Variants in KCNK5 observed in about 807,000 individuals in gnomAD.
KCNK5 encodes potassium channel subfamily K member 5.
In KCNK5, 18 loss-of-function variants were observed where a neutral mutation model predicts 32.9. The observed-to-expected ratio is 0.55, with a 90% CI of 0.38 to 0.81. The LOEUF is 0.81. KCNK5 is among the 30% of genes least tolerant of loss of function. KCNK5 has a pLI of 0.00. For missense variants in KCNK5, 507 were observed against 651.0 expected (o/e 0.78, Z 2.41); for synonymous variants, 276 against 275.3 (o/e 1.00, Z -0.03).
At chr6:39,228,486 C>A (rs906147528) in intron 1 of KCNK5, among the ~76,000 whole-genome samples, 2 of 152,168 alleles carry the variant, frequency 1.3e-5, no homozygotes, top group Non-Finnish European at 2.9e-5. Flanking sequence ...TTAAGAAAAG[C>A]CTGGCAGGCG....
intron 1 of KCNK5, among the ~76,000 whole-genome samples, chr6:39,227,820 AG>A (rs1771702234): frequency 6.6e-6 from 1 of 152,128 alleles, no homozygotes; most frequent in Non-Finnish European, 1.5e-5. Flanking sequence ...ATAGGCATAA[AG>A]TATTGAGGTG....
intron 1 of KCNK5, among the ~76,000 whole-genome samples, chr6:39,222,818 G>T (rs766197145): frequency 6.6e-6 from 1 of 152,216 alleles, no homozygotes; most frequent in Non-Finnish European, 1.5e-5. Flanking sequence ...CCACTTAGGA[G>T]ACATCTAAAG....
intron 1 of KCNK5, among the ~76,000 whole-genome samples, chr6:39,211,610 A>G (rs1771339877): frequency 6.6e-6 from 1 of 152,230 alleles, no homozygotes; most frequent in Non-Finnish European, 1.5e-5. Context: ...GCTACGGAGC[A>G]CTAGAAATGT....
intron 1 of KCNK5, among the ~76,000 whole-genome samples, chr6:39,222,142 A>G (rs911247917): frequency 1.3e-5 from 2 of 152,172 alleles, no homozygotes; most frequent in African/African-American, 4.8e-5. Context: ...CCACTTCTAC[A>G]TAAAGGGATA....
At chr6:39,226,197 C>T (rs75521715) in intron 1 of KCNK5, among the ~76,000 whole-genome samples, 109 of 152,304 alleles carry the variant, frequency 7.2e-4, no homozygotes, top group African/African-American at 2.5e-3. Context: ...ATGTTAACTT[C>T]CCTTGTGTGA....
chr6:39,216,103 C>T (rs903182143), intron 1 of KCNK5, among the ~76,000 whole-genome samples: 3 of 152,032 alleles, frequency 2.0e-5, no homozygotes, highest in East Asian at 1.9e-4. Context: ...GCTAACATGG[C>T]GAAACCCTGT....
At chr6:39,203,949 G>T (rs942715791) in intron 1 of KCNK5, among the ~76,000 whole-genome samples, 2 of 152,214 alleles carry the variant, frequency 1.3e-5, no homozygotes, top group Non-Finnish European at 2.9e-5. Flanking sequence ...AGGTGACCAG[G>T]GTGTGGCTCG....
In KCNK5 at chr6:39,217,118, C is replaced by CAAAA. The variant is rs57204833; in HGVS notation, c.186+11804_186+11807dup. Among the ~76,000 whole-genome samples the CAAAA allele has an allele frequency of 8.6e-4, 64 of 74,396 alleles. 1 individual carries two copies. Among genetic ancestry groups the CAAAA allele is most frequent in the African/African-American group, 2.6e-3 (56 of 21,910 alleles). The allele number at this position is 74,396 out of a possible 152,430, so 48.8% of individuals were successfully genotyped here. On this transcript the variant is annotated intron_variant, in intron 1 of 4. Coordinates refer to ENST00000359534, the MANE Select transcript of KCNK5 (RefSeq NM_003740.4). ...CTGGGCAACAAGAGCAAAACTCCAT[C>CAAAA]AAAAAAAAAAAAAAAAAAAAAAAAA...
At chr6:39,218,371 T>TTTAAAA (rs1771479128) in intron 1 of KCNK5, among the ~76,000 whole-genome samples, 1 of 152,094 alleles carries the variant, frequency 6.6e-6, no homozygotes, top group Non-Finnish European at 1.5e-5. Flanking sequence ...GCCCAGCCTA[T>TTTAAAA]GGGCCATTTT....
intron 1 of KCNK5, among the ~76,000 whole-genome samples, chr6:39,221,930 C>T (rs1479120842): frequency 6.6e-6 from 1 of 152,196 alleles, no homozygotes; most frequent in Non-Finnish European, 1.5e-5. Context: ...TCCTCAGCTG[C>T]ACTGATCTCC....
At position 39,229,101 on chromosome 6, in the gene KCNK5, C is replaced by G; in HGVS notation, c.11G>C (p.Arg4Pro). MVD[R>P]GPLLTSAIIF... ...GATGGCCGAGGTGAGCAGAGGGCCC[C>G]GGTCCACCATGGCTCCCGAGCGGCC... Residue 4 changes from arginine (R) to proline (P), a missense_variant, in exon 1 of 5, where the codon CGG (arginine) becomes CCG (proline). This residue lies in a region of KCNK5 where 143 missense variants were observed against 219.1 expected (regional missense o/e 0.65). Coordinates refer to ENST00000359534, the MANE Select transcript of KCNK5 (RefSeq NM_003740.4). 5 of 1,614,062 alleles carry G rather than the reference C, an allele frequency of 3.1e-6. No homozygotes were observed. Among genetic ancestry groups the G allele is most frequent in the Non-Finnish European group, 4.2e-6 (5 of 1,180,008 alleles).
chr6:39,190,922 A>G lies in KCNK5; in HGVS notation c.1468T>C (p.Tyr490His). The change falls in exon 5 of 5, where the codon TAC becomes CAC. Residue 490 changes from tyrosine to histidine, a missense_variant. Tyr to His is a moderately conservative substitution (Grantham distance 83). This residue lies in a region of KCNK5 where 252 missense variants were observed against 250.8 expected (regional missense o/e 1.00). Coordinates refer to ENST00000359534, the MANE Select transcript of KCNK5 (RefSeq NM_003740.4). ...CCCTTGGGGCTGTTAGCCTTGTTGT[A>G]CTCATTCATCAGCTGTTCGTAAGGC... is the stretch of plus-strand genomic sequence containing the variant. ...SVPYEQLMNE[Y>H]NKANSPKGT 1 of 1,483,162 alleles carries G rather than the reference A, an allele frequency of 6.7e-7. No individual in the cohort carries two copies. The highest frequency in any genetic ancestry group is 1.4e-5 in the African/African-American group (1 of 70,812). 91.9% of individuals were successfully genotyped at this position (1,483,162 alleles called of 1,614,324 possible).
chr6:39,216,926 C>T (rs1177774625), intron 1 of KCNK5, among the ~76,000 whole-genome samples: 1 of 151,634 alleles, frequency 6.6e-6, no homozygotes, highest in African/African-American at 2.4e-5. Context: ...GTTCGAGAAC[C>T]GCCTGACCAA....
At position 39,229,454 on chromosome 6, in the gene KCNK5, C is replaced by A; in HGVS notation, c.-343G>T. ...GGCCGCTTCTCCACGCGTCGCTCCT[C>A]CGCGCGCCACTAGCAGTATGCGCCG... On this transcript the variant is annotated 5_prime_UTR_variant, in exon 1 of 5. Coordinates refer to ENST00000359534, the MANE Select transcript of KCNK5 (RefSeq NM_003740.4). 3.8e-6 allele frequency: 1 copy of A among 264,170 alleles called. No individual in the cohort carries two copies. The allele number at this position is 264,170 out of a possible 1,614,324, so 16.4% of individuals were successfully genotyped here.
At chr6:39,207,351 C>G (rs935694028) in intron 1 of KCNK5, among the ~76,000 whole-genome samples, 2 of 152,194 alleles carry the variant, frequency 1.3e-5, no homozygotes, top group Non-Finnish European at 2.9e-5. Context: ...CCCTTAATCA[C>G]AGAACAGAAC....
At position 39,215,742 on chromosome 6, in the gene KCNK5, T is replaced by G. The variant is rs115572027; in HGVS notation, c.186+13184A>C. On this transcript the variant is annotated intron_variant, in intron 1 of 4. Transcript: ENST00000359534. ...GTGACACAGCATGGGTTTAGCTGAC[T>G]GGCAGGTCAGACAGAAACACAGCTA... Among the ~76,000 whole-genome samples, 427 of 152,344 alleles carry G rather than the reference T, an allele frequency of 2.8e-3. 3 individuals are homozygous for G. The highest frequency in any genetic ancestry group is 9.7e-3 in the African/African-American group (402 of 41,574).
At chr6:39,206,903 C>T (rs1197772951) in intron 1 of KCNK5, among the ~76,000 whole-genome samples, 2 of 152,186 alleles carry the variant, frequency 1.3e-5, no homozygotes, top group Non-Finnish European at 2.9e-5. Flanking sequence ...GAAACGAGCA[C>T]TGGGAAGGAA....
Position 39,194,773 on chromosome 6 carries a change from A to G in KCNK5, c.299-13T>C, listed in dbSNP as rs2113779513. 6.2e-7 allele frequency: 1 copy of G among 1,613,424 alleles called. No homozygotes were observed. On this transcript the variant is annotated splice_polypyrimidine_tract_variant and intron_variant, in intron 2 of 4. Coordinates refer to ENST00000359534, the MANE Select transcript of KCNK5 (RefSeq NM_003740.4). The surrounding 1 kb of genome is among the most constrained non-coding windows in gnomAD (Gnocchi z 4.7). ...ACATTGCCATATCCTGAGGAAGGAG[A>G]GAGTGAGGCCAAGAACAGGAGGGGT...
At chr6:39,215,536 A>G (rs1289058884) in intron 1 of KCNK5, among the ~76,000 whole-genome samples, 2 of 152,180 alleles carry the variant, frequency 1.3e-5, no homozygotes, top group Non-Finnish European at 2.9e-5. Flanking sequence ...GGAACCTTGC[A>G]TTAGACACAA....
Sources: gnomAD v4.1 joint callset for allele counts (sites outside exome capture counted in the v4.1 genomes callset) on GRCh38, gnomAD v4.1.1 for gene constraint, gnomAD v4.1.1 regional missense constraint, Gnocchi (gnomAD v3.1) non-coding constraint, MANE v1.5 for transcripts, NCBI Gene and HGNC (gene_info 2026-07-23, HGNC 2026-07-21) for gene names.